Variants in DLGAP2 observed in about 807,000 individuals in gnomAD.
DLGAP2 encodes the protein DLG associated protein 2, also known as disks large-associated protein 2.
Under a neutral mutation model 100.3 loss-of-function variants are expected in DLGAP2, and 26 were observed. The ratio of observed to expected loss-of-function variants is 0.26; its 90% CI spans 0.19 to 0.36. DLGAP2 has a LOEUF of 0.36. Ranked by LOEUF, DLGAP2 falls within the 10% of genes least tolerant of loss-of-function variation. The probability of loss-of-function intolerance (pLI) is 1.00; values close to 1 mark genes in which losing one functional copy is unlikely to be tolerated. For missense variants in DLGAP2, 1,858 were observed against 1,453.2 expected (o/e 1.28, Z -4.53); for synonymous variants, 886 against 630.1 (o/e 1.41, Z -6.08).
chr8:1,686,715 G>C (rs1471447335), intron 12 of DLGAP2, among the ~76,000 whole-genome samples: 1 of 152,126 alleles, frequency 6.6e-6, no homozygotes, highest in Non-Finnish European at 1.5e-5. Context: ...GAGTAGATTG[G>C]TGGTTACCGG....
chr8:1,579,214 A>G (rs958354442), intron 6 of DLGAP2, among the ~76,000 whole-genome samples: 2 of 152,168 alleles, frequency 1.3e-5, no homozygotes, highest in Non-Finnish European at 2.9e-5. Flanking sequence ...AGCACTTTAA[A>G]TTTATAAAGA....
At chr8:1,416,903 T>C in intron 3 of DLGAP2, among the ~76,000 whole-genome samples, 1 of 152,156 alleles carries the variant, frequency 6.6e-6, no homozygotes, top group Non-Finnish European at 1.5e-5. Flanking sequence ...CTTCTCAGAC[T>C]TGCAAAGAAT....
intron 2 of DLGAP2, among the ~76,000 whole-genome samples, chr8:1,077,205 G>A (rs1009177159): frequency 4.6e-5 from 7 of 152,204 alleles, no homozygotes; most frequent in African/African-American, 1.7e-4. Context: ...CACCAGTCAT[G>A]TGGGGGCAGG....
chr8:867,329 C>T (rs1273343002), intron 1 of DLGAP2, among the ~76,000 whole-genome samples: 1 of 152,196 alleles, frequency 6.6e-6, no homozygotes, highest in Non-Finnish European at 1.5e-5. Flanking sequence ...TCGTGCCCTC[C>T]TTGTTTTAAT....
chr8:1,602,012 G>A lies in DLGAP2; in HGVS notation c.1443-24728G>A, dbSNP rs140144446. Among the ~76,000 whole-genome samples, 424 of 150,920 alleles carry A rather than the reference G, an allele frequency of 2.8e-3. 4 individuals carry two copies. The highest frequency in any genetic ancestry group is 9.7e-3 in the African/African-American group (398 of 41,146). On this transcript the variant is annotated intron_variant, in intron 6 of 14. Coordinates refer to ENST00000637795, the MANE Select transcript of DLGAP2 (RefSeq NM_001346810.2). ...CCGTGCTACCTTCTTGCTTGTGGGG[G>A]CCTCTATCCCTCACGAGCTGTCAGT... is the stretch of plus-strand genomic sequence containing the variant.
At chr8:1,326,825 T>C (rs751571171) in intron 3 of DLGAP2, among the ~76,000 whole-genome samples, 10 of 152,262 alleles carry the variant, frequency 6.6e-5, no homozygotes, top group Non-Finnish European at 1.5e-4. Flanking sequence ...TATCCCATTT[T>C]CACAGTACCT....
intron 6 of DLGAP2, among the ~76,000 whole-genome samples, chr8:1,571,564 T>A (rs1802683867): frequency 8.9e-6 from 1 of 112,344 alleles, no homozygotes; most frequent in Non-Finnish European, 1.7e-5. Context: ...GGGTGTCTGA[T>A]GAGATGGAGA....
Position 1,549,460 on chromosome 8 carries a change from G to C in DLGAP2, c.1007G>C (p.Gly336Ala), listed in dbSNP as rs745638452. The C allele has an allele frequency of 1.2e-6, 2 of 1,613,342 alleles. No individual in the cohort carries two copies. The change falls in exon 5 of 15, where the codon GGG becomes GCG. Residue 336 changes from glycine (G) to alanine (A), a missense_variant. Transcript: ENST00000637795. ...CCCGACGCGCTGCAGAGCCCCTTCG[G>C]GGACCTGTCCCTCAAGACCTCCAAG... ...CYPDALQSPF[G>A]DLSLKTSKSN... is the part of the protein sequence containing the mutation.
In DLGAP2 at chr8:1,478,461, G is replaced by A. The variant is rs1335888811; in HGVS notation, c.107-22905G>A. The stretch of plus-strand genomic sequence containing the variant: ...TGCTTTCAGCCCTGGCTTTCCTCAG[G>A]TGGCCAACAGCATCCGTGATTCTGG... On this transcript the variant is annotated intron_variant, in intron 3 of 14. Transcript: ENST00000637795. Among the ~76,000 whole-genome samples, 5 of 152,208 alleles carry A rather than the reference G, an allele frequency of 3.3e-5. No individual in the cohort carries two copies. The East Asian group carries it at 9.6e-4, about 29-fold the overall frequency.
At chr8:1,080,453 C>T (rs921608800) in intron 2 of DLGAP2, among the ~76,000 whole-genome samples, 6 of 152,332 alleles carry the variant, frequency 3.9e-5, no homozygotes, top group African/African-American at 7.2e-5. Flanking sequence ...TGTGCTCACA[C>T]GTCTGAAGTG....
At chr8:1,010,401 TATACACAC>T (rs1443708543) in intron 2 of DLGAP2, among the ~76,000 whole-genome samples, 2 of 152,210 alleles carry the variant, frequency 1.3e-5, no homozygotes, top group African/African-American at 4.8e-5. Context: ...ATCACAGTTT[TATACACAC>T]ATACACACAT....
intron 6 of DLGAP2, among the ~76,000 whole-genome samples, chr8:1,620,083 G>A (rs537585779): frequency 2.0e-5 from 3 of 152,184 alleles, no homozygotes; most frequent in South Asian, 4.1e-4. Flanking sequence ...TTCTCAAATC[G>A]CCTGTCCTCT....
chr8:971,395 A>C (rs1414092772), intron 2 of DLGAP2, among the ~76,000 whole-genome samples: 4 of 152,218 alleles, frequency 2.6e-5, no homozygotes, highest in African/African-American at 9.6e-5. Context: ...ATCCCTGGGT[A>C]AATTGAGGTC....
At chr8:907,069 C>G (rs916810552) in intron 1 of DLGAP2, among the ~76,000 whole-genome samples, 1 of 152,134 alleles carries the variant, frequency 6.6e-6, no homozygotes, top group Non-Finnish European at 1.5e-5. Flanking sequence ...GAAAGTCGAT[C>G]GAGGGCAAAC....
intron 2 of DLGAP2, among the ~76,000 whole-genome samples, chr8:941,717 T>C (rs1584908379): frequency 6.6e-6 from 1 of 152,216 alleles, no homozygotes; most frequent in Non-Finnish European, 1.5e-5. Context: ...TTGTGCGGCT[T>C]TCTTTGATTG....
chr8:738,307 G>A (rs535024924), intron 1 of DLGAP2, among the ~76,000 whole-genome samples: 2 of 151,644 alleles, frequency 1.3e-5, no homozygotes, highest in South Asian at 2.1e-4. Flanking sequence ...AATGAATGAA[G>A]GGTGCCGGGC....
At chr8:1,491,005 C>A (rs1233970365) in intron 3 of DLGAP2, among the ~76,000 whole-genome samples, 2 of 134,476 alleles carry the variant, frequency 1.5e-5, no homozygotes, top group Non-Finnish European at 3.2e-5. Context: ...GCACATGTAC[C>A]CTAAAACTTA....
At chr8:1,189,291 A>G (rs1383798085) in intron 2 of DLGAP2, among the ~76,000 whole-genome samples, 2 of 152,262 alleles carry the variant, frequency 1.3e-5, no homozygotes, top group African/African-American at 2.4e-5. Context: ...GCTCAGTGTC[A>G]AGGCCAACTG....
chr8:1,504,988 A>C (rs900987878), intron 4 of DLGAP2, among the ~76,000 whole-genome samples: 1 of 152,100 alleles, frequency 6.6e-6, no homozygotes, highest in Non-Finnish European at 1.5e-5. Context: ...TAAGAGAAAA[A>C]GCAAAAAACA....
Sources: allele counts gnomAD v4.1 joint callset (sites outside exome capture counted in the v4.1 genomes callset), GRCh38; gene constraint gnomAD v4.1.1; transcripts MANE v1.5; gene names NCBI Gene and HGNC (gene_info 2026-07-23, HGNC 2026-07-21).